The following USH2A variants were observed in gnomAD, a reference collection of about 807,000 sequenced individuals.
USH2A encodes usherin.
A neutral mutation model predicts 538.9 loss-of-function variants in USH2A; 443 were observed. The observed-to-expected ratio is 0.82, with a 90% CI of 0.76 to 0.89. The LOEUF (loss-of-function observed/expected upper bound fraction) is 0.89. Among genes scored for constraint, USH2A ranks in the 40% least tolerant of loss-of-function variants. The pLI, the probability that USH2A is intolerant of heterozygous loss-of-function variation, is 0.00. For missense variants in USH2A, 6,633 were observed against 6,324.8 expected (o/e 1.05, Z -1.65); for synonymous variants, 2,413 against 2,273.5 (o/e 1.06, Z -1.75).
At chr1:215,970,538 G>A in intron 36 of USH2A, 87 bp downstream of exon 36, 1 of 1,544,884 alleles carries the variant, frequency 6.5e-7, no homozygotes, top group East Asian at 2.3e-5. Flanking sequence ...CTGTGCAGAG[G>A]GTGAGTCACC....
rs146428356 is a variant in USH2A at position 215,872,386 on chromosome 1, T to C, written c.8682-5216A>G. On this transcript the variant is annotated intron_variant, in intron 43 of 71. Transcript: ENST00000307340. ...TAATGTTGATCACACTTGAATATTT[T>C]TAATATGAGACATTTTAGATTGTGA... 4.7e-4 allele frequency among the ~76,000 whole-genome samples: 71 copies of C among 152,336 alleles called. 2 individuals carry two copies. In the East Asian group the frequency reaches 0.013, roughly 29 times the overall value.
chr1:216,249,638 G>T (rs1337391320), intron 12 of USH2A, among the ~76,000 whole-genome samples: 2 of 152,176 alleles, frequency 1.3e-5, no homozygotes, highest in South Asian at 2.1e-4. Flanking sequence ...GTAAATTATG[G>T]TACAGATTTT....
chr1:216,217,200 T>G (rs2035359554), intron 15 of USH2A, among the ~76,000 whole-genome samples, 187 bp downstream of exon 15: 1 of 152,118 alleles, frequency 6.6e-6, no homozygotes, highest in Non-Finnish European at 1.5e-5. Context: ...ATATTACCAT[T>G]TCCAATTGTC....
In USH2A at chr1:215,627,445, C is replaced by CCTTCCTTCT. The variant is rs1558027556; in HGVS notation, c.15519+1368_15519+1369insAGAAGGAAG. On this transcript the variant is annotated intron_variant, in intron 71 of 71. Coordinates refer to ENST00000307340, the MANE Select transcript of USH2A (RefSeq NM_206933.4). ...CCTTCCTTCCTTCCTTCCTTCCTTC[C>CCTTCCTTCT]TTCCTTCCTTCCTTCCTTCCTTCCT... 1.8e-3 allele frequency among the ~76,000 whole-genome samples: 141 copies of CCTTCCTTCT among 78,702 alleles called. 2 individuals are homozygous for CCTTCCTTCT. Among genetic ancestry groups the CCTTCCTTCT allele is most frequent in the African/African-American group, 2.1e-3 (45 of 21,350 alleles). 51.6% of individuals were successfully genotyped at this position (78,702 alleles called of 152,430 possible). A position where few individuals can be genotyped will look rare whatever the true frequency, so the allele number is the denominator to read the frequency against.
chr1:215,872,952 C>T (rs113826889), intron 43 of USH2A, among the ~76,000 whole-genome samples: 98 of 152,212 alleles, frequency 6.4e-4, no homozygotes, highest in African/African-American at 1.2e-3. Context: ...CAGAGGAAGA[C>T]GCTGGCACCA....
Position 215,817,130 on chromosome 1 carries a change from A to T in USH2A, c.9437T>A (p.Leu3146Gln), listed in dbSNP as rs1307351188. 3.1e-6 allele frequency: 5 copies of T among 1,612,926 alleles called. No individual in the cohort carries two copies. In the African/African-American group the frequency reaches 5.3e-5, roughly 17 times the overall value. The change falls in exon 48 of 72, where the codon CTA (leucine) becomes CAA (glutamine). Residue 3146 changes from leucine to glutamine, a missense_variant. Leu to Gln is a moderately radical substitution (Grantham distance 113). Coordinates refer to ENST00000307340, the MANE Select transcript of USH2A (RefSeq NM_206933.4). ...AGCGCATGGATACCATGTTTTCCAT[A>T]GGAGATCATATCCAAGAATGATGCC... is the stretch of plus-strand genomic sequence containing the variant. ...PNGIILGYDL[L>Q]WKTWYPCAKT...
At chr1:215,849,523 A>G (rs1327411573) in intron 44 of USH2A, among the ~76,000 whole-genome samples, 1 of 152,240 alleles carries the variant, frequency 6.6e-6, no homozygotes, top group Admixed American at 6.5e-5. Context: ...CATCGAGAAC[A>G]GAAAAAGTCT....
chr1:215,819,826 C>T (rs1475463005), intron 47 of USH2A, among the ~76,000 whole-genome samples: 1 of 151,606 alleles, frequency 6.6e-6, no homozygotes, highest in African/African-American at 2.4e-5. Context: ...ATCAAGTACA[C>T]GAAGGAAAAT....
intron 38 of USH2A, among the ~76,000 whole-genome samples, chr1:215,914,954 A>T (rs1369229106): frequency 6.6e-6 from 1 of 152,194 alleles, no homozygotes; most frequent in Non-Finnish European, 1.5e-5. Context: ...CCCTTGAACA[A>T]TGCTAACATC....
In USH2A at chr1:215,993,509, AACACACAC is replaced by A. The variant is rs66804361; in HGVS notation, c.6658-350_6658-343del. ...GCACAAAGGTTCCCAGAGTGAATTA[AACACACAC>A]ACACACACACACACACACACACAGC... On this transcript the variant is annotated intron_variant, in intron 34 of 71. Transcript: ENST00000307340. Among the ~76,000 whole-genome samples the A allele has an allele frequency of 4.1e-5, 6 of 146,348 alleles. No individual in the cohort carries two copies. In the East Asian group the frequency reaches 8.0e-4, roughly 20 times the overall value.
intron 14 of USH2A, among the ~76,000 whole-genome samples, chr1:216,228,231 A>C (rs1271332278): frequency 6.6e-6 from 1 of 152,168 alleles, no homozygotes; most frequent in Non-Finnish European, 1.5e-5. Context: ...GTAGCCATGG[A>C]AATGGGTTGC....
intron 13 of USH2A, 30 bp downstream of exon 13, chr1:216,246,555 C>T (rs1297036363): frequency 1.5e-5 from 24 of 1,613,712 alleles, no homozygotes; most frequent in Non-Finnish European, 1.9e-5. Context: ...TGTCATTGTG[C>T]ACTGAAAATG....
intron 35 of USH2A, among the ~76,000 whole-genome samples, chr1:215,975,834 C>T (rs1007213170): frequency 3.3e-5 from 5 of 152,100 alleles, no homozygotes; most frequent in African/African-American, 1.2e-4. Flanking sequence ...TTTAGAATAG[C>T]TTTTTCCTAA....
intron 35 of USH2A, among the ~76,000 whole-genome samples, chr1:215,977,802 C>T (rs1039615951): frequency 4.6e-5 from 7 of 152,154 alleles, no homozygotes; most frequent in African/African-American, 1.7e-4. Flanking sequence ...TGAGCCACTG[C>T]CACCAGCCCA....
chr1:216,223,923 T>C (rs956063596), intron 14 of USH2A, among the ~76,000 whole-genome samples: 2 of 152,154 alleles, frequency 1.3e-5, no homozygotes, highest in African/African-American at 2.4e-5. Flanking sequence ...TGTAGAACAT[T>C]TGCAGTAAAA....
intron 21 of USH2A, among the ~76,000 whole-genome samples, chr1:216,117,688 C>T (rs535434880): frequency 6.6e-6 from 1 of 151,952 alleles, no homozygotes; most frequent in East Asian, 1.9e-4. Context: ...TATATCTTCC[C>T]TCAATTAAAT....
chr1:216,362,946 A>T (rs1238064685), intron 4 of USH2A, among the ~76,000 whole-genome samples: 4 of 150,288 alleles, frequency 2.7e-5, no homozygotes, highest in Non-Finnish European at 1.5e-5. Flanking sequence ...TGTCAAAAAA[A>T]AATAATAATA....
chr1:215,840,436 A>T (rs1663647483), intron 46 of USH2A, among the ~76,000 whole-genome samples: 1 of 152,152 alleles, frequency 6.6e-6, no homozygotes, highest in Non-Finnish European at 1.5e-5. Flanking sequence ...CAAAAAATAT[A>T]GTAATCAGTA....
chr1:216,337,543 T>C (rs1306753058), intron 4 of USH2A, among the ~76,000 whole-genome samples: 1 of 151,420 alleles, frequency 6.6e-6, no homozygotes, highest in Non-Finnish European at 1.5e-5. Flanking sequence ...GTGGGAAAGT[T>C]TTTAACGTGA....
Sources: gnomAD v4.1 joint callset for allele counts (sites outside exome capture counted in the v4.1 genomes callset) on GRCh38, gnomAD v4.1.1 for gene constraint, MANE v1.5 for transcripts, NCBI Gene and HGNC (gene_info 2026-07-23, HGNC 2026-07-21) for gene names.